CCNL1: variants seen among roughly 807,000 people sequenced by gnomAD.
CCNL1 encodes cyclin-L1.
In CCNL1, 13 loss-of-function variants were observed where a neutral mutation model predicts 60.6. That is an observed-to-expected ratio of 0.21 (90% confidence interval 0.14 to 0.34). CCNL1 has a LOEUF of 0.34. Ranked by LOEUF, CCNL1 falls within the 10% of genes least tolerant of loss-of-function variation. CCNL1 has a pLI of 1.00. For synonymous variants in CCNL1, 270 were observed against 244.3 expected, an observed-to-expected ratio of 1.10 and a Z score of -0.98; for missense variants, 481 against 664.3, an observed-to-expected ratio of 0.72 and a Z score of 3.03.
chr3:157,146,434 C>A (rs754033503), downstream of CCNL1: 3 of 410,888 alleles, frequency 7.3e-6, no homozygotes, highest in South Asian at 1.8e-5. Context: ...TCCTCCACAA[C>A]TCCCCATCTT....
At chr3:157,149,074 T>G in intron 10 of CCNL1, 1 of 560,396 alleles carries the variant, frequency 1.8e-6, no homozygotes. Context: ...GCTCCTACAC[T>G]TCTCCAAAAA....
At chr3:157,159,371 A>T in intron 2 of CCNL1, 34 bp downstream of exon 2, 1 of 1,604,644 alleles carries the variant, frequency 6.2e-7, no homozygotes, top group Non-Finnish European at 8.5e-7. Context: ...TTCCGGATGA[A>T]GAAATCCCTT....
intron 5 of CCNL1, chr3:157,151,967 T>C (rs1242727405): frequency 1.5e-6 from 2 of 1,366,806 alleles, no homozygotes; most frequent in African/African-American, 1.5e-5. Flanking sequence ...CAAAGTTAAA[T>C]TGAGTTCTCC....
At chr3:157,152,594 A>G in intron 4 of CCNL1, 1 of 1,077,312 alleles carries the variant, frequency 9.3e-7, no homozygotes, top group Non-Finnish European at 1.1e-6. Flanking sequence ...TCTATGGCTT[A>G]TATTGATAAT....
downstream of CCNL1, among the ~76,000 whole-genome samples, chr3:157,147,382 T>C (rs535256865): frequency 6.6e-6 from 1 of 152,186 alleles, no homozygotes; most frequent in African/African-American, 2.4e-5. Context: ...GGGCCTCACA[T>C]TTTCTCCTAG....
chr3:157,159,559 T>C, intron 1 of CCNL1, 80 bp from the exon 2 acceptor site: 1 of 1,355,462 alleles, frequency 7.4e-7, no homozygotes, highest in Non-Finnish European at 1.0e-6. Context: ...GTGCCGCCGA[T>C]CGCTTCCCTT....
chr3:157,156,057 T>C (rs1047738431), intron 3 of CCNL1, among the ~76,000 whole-genome samples: 77 of 152,344 alleles, frequency 5.1e-4, no homozygotes, highest in African/African-American at 1.7e-3. Flanking sequence ...GATTATGTAA[T>C]TGACATATAA....
intron 5 of CCNL1, 122 bp downstream of exon 5, chr3:157,152,055 C>CAA: frequency 1.3e-6 from 2 of 1,484,110 alleles, no homozygotes; most frequent in Admixed American, 5.2e-5. Flanking sequence ...AAAAACAAAA[C>CAA]AAAAAAACAA....
At chr3:157,146,491 A>G (rs1242857463), downstream of CCNL1, 1 of 448,906 alleles carries the variant, frequency 2.2e-6, no homozygotes, top group African/African-American at 2.0e-5. Flanking sequence ...AGCAAAGATT[A>G]GGGACATAAG....
At position 157,156,141 on chromosome 3, in the gene CCNL1, T is replaced by C. The variant is rs966970867; in HGVS notation, c.488+2725A>G. Among the ~76,000 whole-genome samples the C allele has an allele frequency of 3.2e-4, 48 of 152,186 alleles. 2 individuals carry two copies. Among genetic ancestry groups the C allele is most frequent in the Admixed American group, 2.6e-3 (39 of 15,280 alleles). On this transcript the variant is annotated intron_variant, in intron 3 of 10. Transcript: ENST00000295926. ...ATGTGTTACAAAGACTGAGAAATAT[T>C]GGAACCAAGTCTTCAAGAGACTATA...
At chr3:157,159,361 T>C (rs370218369) in intron 2 of CCNL1, 44 bp downstream of exon 2, 1 of 1,589,212 alleles carries the variant, frequency 6.3e-7, no homozygotes, top group Non-Finnish European at 8.6e-7. Flanking sequence ...CTCTGCCCAT[T>C]TCCGGATGAA....
chr3:157,152,055 CAAAA>C, intron 5 of CCNL1, 118 bp downstream of exon 5: 1 of 1,484,110 alleles, frequency 6.7e-7, no homozygotes, highest in East Asian at 2.4e-5. Flanking sequence ...AAAAACAAAA[CAAAA>C]AAACAACGAA....
Position 157,147,789 on chromosome 3 carries a change from G to A in CCNL1, c.*452C>T. On this transcript the variant is annotated 3_prime_UTR_variant, in exon 11 of 11. Coordinates refer to ENST00000295926, the MANE Select transcript of CCNL1 (RefSeq NM_020307.4). ...AATAATTTATTTAAATAAGGTATTTGAAGCAGTTTAGAAAAAACAAGATTT... is the reference window on the plus strand; with the variant it reads ...AATAATTTATTTAAATAAGGTATTTAAAGCAGTTTAGAAAAAACAAGATTT... The A allele has an allele frequency of 1.0e-6, 1 of 980,716 alleles. No homozygotes were observed. The highest frequency in any genetic ancestry group is 1.7e-5 in the African/African-American group (1 of 57,228). The allele number at this position is 980,716 out of a possible 1,614,324, so 60.8% of individuals were successfully genotyped here.
At position 157,152,181 on chromosome 3, in the gene CCNL1, C is replaced by T; in HGVS notation, c.670G>A (p.Ala224Thr). Reference sequence around the variant, plus strand: ...AAATCTAAAAAAGTGACTTACCAGGCAGTTTGAACCAGGGTTTGATTACGT... The same window carrying T: ...AAATCTAAAAAAGTGACTTACCAGGTAGTTTGAACCAGGGTTTGATTACGT... ...CERNQTLVQT[A>T]WNYMNDSLRT... Residue 224 changes from alanine to threonine, a missense_variant, in exon 5 of 11, where the codon GCC becomes ACC. Coordinates refer to ENST00000295926, the MANE Select transcript of CCNL1 (RefSeq NM_020307.4). The T allele has an allele frequency of 6.2e-7, 1 of 1,611,060 alleles. No homozygotes were observed. The highest frequency in any genetic ancestry group is 8.5e-7 in the Non-Finnish European group (1 of 1,178,968).
In CCNL1 at chr3:157,150,083, C is replaced by G. The variant is rs1300640681; in HGVS notation, c.861G>C (p.Arg287Ser). 6.2e-7 allele frequency: 1 copy of G among 1,612,042 alleles called. No individual in the cohort carries two copies. The highest frequency in any genetic ancestry group is 1.3e-5 in the African/African-American group (1 of 74,672). ...EIQEICIETL[R>S]LYTRKKPNYE... ...AGAATACCTTTTTTCTGGTATAAAG[C>G]CTAAGTGTTTCTATGCAGATTTCCT... Residue 287 changes from arginine to serine, a missense_variant, in exon 7 of 11, where the codon AGG (arginine) becomes AGC (serine). Physicochemically the swap from Arg to Ser is moderately radical, Grantham distance 110. This residue lies in a region of CCNL1 where 75 missense variants were observed against 129.6 expected (regional missense o/e 0.58). Coordinates refer to ENST00000295926, the MANE Select transcript of CCNL1 (RefSeq NM_020307.4).
At chr3:157,149,433 G>C in intron 9 of CCNL1, 48 bp from the exon 10 acceptor site, 2 of 1,604,626 alleles carry the variant, frequency 1.2e-6, no homozygotes, top group Non-Finnish European at 1.7e-6. Flanking sequence ...GTGTTAAAAA[G>C]TAAACACATA....
At chr3:157,148,649 T>C in intron 10 of CCNL1, 60 bp from the exon 11 acceptor site, 1 of 1,448,616 alleles carries the variant, frequency 6.9e-7, no homozygotes, top group Non-Finnish European at 9.3e-7. Context: ...ATTATTCCGG[T>C]GGTTGCTCAT....
chr3:157,155,662 C>T (rs1476659367), intron 3 of CCNL1, among the ~76,000 whole-genome samples: 1 of 152,068 alleles, frequency 6.6e-6, no homozygotes, highest in Non-Finnish European at 1.5e-5. Flanking sequence ...TACTTTGTAT[C>T]ATAAATTTAA....
At chr3:157,159,534 CGCCGCCGCCATTTTGT>C in intron 1 of CCNL1, 55 bp from the exon 2 acceptor site, 1 of 1,499,434 alleles carries the variant, frequency 6.7e-7, no homozygotes, top group Non-Finnish European at 9.2e-7. Context: ...CCGCTCCAGG[CGCCGCCGCCATTTTGT>C]GCCGCCGATC....
Sources: gnomAD v4.1 joint callset for allele counts (sites outside exome capture counted in the v4.1 genomes callset) on GRCh38, gnomAD v4.1.1 for gene constraint, gnomAD v4.1.1 regional missense constraint, MANE v1.5 for transcripts, NCBI Gene and HGNC (gene_info 2026-07-23, HGNC 2026-07-21) for gene names.